The following CACNA2D3 variants were observed in gnomAD, a reference collection of about 807,000 sequenced individuals.
CACNA2D3 encodes the protein voltage-dependent calcium channel subunit alpha-2/delta-3.
A neutral mutation model predicts 160.6 loss-of-function variants in CACNA2D3; 60 were observed. The observed-to-expected ratio is 0.37, with a 90% confidence interval of 0.30 to 0.46. The LOEUF is 0.46. Ranked by LOEUF, CACNA2D3 falls within the 20% of genes least tolerant of loss-of-function variation. The probability of loss-of-function intolerance (pLI) is 1.00; values close to 1 mark genes in which losing one functional copy is unlikely to be tolerated. For missense variants in CACNA2D3, 1,205 were observed against 1,365.0 expected (o/e 0.88, Z 1.85); for synonymous variants, 558 against 492.9 (o/e 1.13, Z -1.75).
At chr3:54,253,417 T>G (rs566733787) in intron 2 of CACNA2D3, among the ~76,000 whole-genome samples, 3 of 152,218 alleles carry the variant, frequency 2.0e-5, no homozygotes, top group African/African-American at 7.2e-5. Context: ...GCAGGTCACA[T>G]GGCTGGAGCA....
At chr3:54,388,989 T>C (rs1349782255) in intron 4 of CACNA2D3, among the ~76,000 whole-genome samples, 3 of 150,412 alleles carry the variant, frequency 2.0e-5, no homozygotes, top group Non-Finnish European at 4.4e-5. Context: ...TGATAATAAA[T>C]AAACAGATAG....
At chr3:54,935,986 T>C (rs1701319356) in intron 27 of CACNA2D3, among the ~76,000 whole-genome samples, 1 of 152,312 alleles carries the variant, frequency 6.6e-6, no homozygotes, top group Admixed American at 6.5e-5. Context: ...GCTAAACACA[T>C]GGAATCTGGA....
rs544097348 is a variant in CACNA2D3 at position 54,271,931 on chromosome 3, A to G, written c.205-48511A>G. On this transcript the variant is annotated intron_variant, in intron 2 of 37. Coordinates refer to ENST00000474759, the MANE Select transcript of CACNA2D3 (RefSeq NM_018398.3). Reference sequence around the variant, plus strand: ...TAAAAGTTACTTTGTTGCTTAGGCAAAGTCCCCAGTGGCTTGGGCAATTCT... The same window carrying G: ...TAAAAGTTACTTTGTTGCTTAGGCAGAGTCCCCAGTGGCTTGGGCAATTCT... Among the ~76,000 whole-genome samples, 150 of 152,370 alleles carry G rather than the reference A, an allele frequency of 9.8e-4. No homozygotes were observed. In the Middle Eastern group the frequency reaches 0.017, roughly 17 times the overall value.
chr3:54,291,109 G>A (rs115722937), intron 2 of CACNA2D3, among the ~76,000 whole-genome samples: 2,357 of 152,248 alleles, frequency 0.015, 64 homozygotes, highest in African/African-American at 0.053. Context: ...GGAAAACATC[G>A]TGGCAGGTTG....
intron 14 of CACNA2D3, among the ~76,000 whole-genome samples, chr3:54,832,740 TTCTTTC>T (rs1213767055): frequency 6.6e-6 from 1 of 152,250 alleles, no homozygotes; most frequent in East Asian, 1.9e-4. Context: ...ATGTTAGCTT[TTCTTTC>T]TCCCTTAGCA....
Position 55,074,277 on chromosome 3 carries a change from C to G in CACNA2D3, c.*71C>G. The G allele has an allele frequency of 8.0e-7, 1 of 1,253,114 alleles. No homozygotes were observed. 77.6% of individuals were successfully genotyped at this position (1,253,114 alleles called of 1,614,324 possible). A position where few individuals can be genotyped will look rare whatever the true frequency, so the allele number is the denominator to read the frequency against. Reference sequence around the variant, plus strand: ...TGCTAAATCATGGATAAACTGTGAACCAAAATATGGTGCAACATACGAGAC... The same window carrying G: ...TGCTAAATCATGGATAAACTGTGAAGCAAAATATGGTGCAACATACGAGAC... On this transcript the variant is annotated 3_prime_UTR_variant, in exon 38 of 38. Transcript: ENST00000474759.
At chr3:54,836,814 A>G (rs747162730) in intron 14 of CACNA2D3, among the ~76,000 whole-genome samples, 10 of 152,216 alleles carry the variant, frequency 6.6e-5, no homozygotes, top group African/African-American at 1.7e-4. Flanking sequence ...CTTAAGAAAC[A>G]TAAGTGTCTG....
chr3:54,349,506 C>G (rs373000565), intron 3 of CACNA2D3, among the ~76,000 whole-genome samples: 5 of 152,328 alleles, frequency 3.3e-5, no homozygotes, highest in South Asian at 2.1e-4. Flanking sequence ...CTGAGCCAAG[C>G]TGTTTGCTTC....
At chr3:54,298,182 A>G (rs940242760) in intron 2 of CACNA2D3, among the ~76,000 whole-genome samples, 1 of 152,148 alleles carries the variant, frequency 6.6e-6, no homozygotes, top group Non-Finnish European at 1.5e-5. Flanking sequence ...GATGAGTGGG[A>G]GTTGGCTAGG....
intron 13 of CACNA2D3, among the ~76,000 whole-genome samples, chr3:54,803,466 G>A (rs1211871435): frequency 6.6e-6 from 1 of 152,152 alleles, no homozygotes; most frequent in African/African-American, 2.4e-5. Context: ...ATCAGTGATG[G>A]AAGATGAAAT....
intron 35 of CACNA2D3, among the ~76,000 whole-genome samples, chr3:55,056,495 A>G (rs358061): frequency 0.44 from 66,559 of 152,038 alleles, 15,263 homozygotes; most frequent in East Asian, 0.59. Context: ...TTAAAGAGAT[A>G]TCTGCACTCC....
chr3:54,181,355 C>CATTTTGCTGTTCGA, intron 2 of CACNA2D3, among the ~76,000 whole-genome samples: 1 of 152,244 alleles, frequency 6.6e-6, no homozygotes, highest in South Asian at 2.1e-4. Context: ...TGAATTGTAC[C>CATTTTGCTGTTCGA]ATTCAGTGAT....
intron 11 of CACNA2D3, among the ~76,000 whole-genome samples, chr3:54,700,912 TC>T (rs1700756730): frequency 6.6e-6 from 1 of 152,140 alleles, no homozygotes; most frequent in African/African-American, 2.4e-5. Context: ...TTCATTAGAC[TC>T]CAGAGCTATA....
At chr3:54,191,918 C>G (rs1034531510) in intron 2 of CACNA2D3, among the ~76,000 whole-genome samples, 2 of 152,162 alleles carry the variant, frequency 1.3e-5, no homozygotes, top group Non-Finnish European at 2.9e-5. Context: ...ACCAAATCCA[C>G]TGTGTCTCCC....
chr3:54,591,238 AC>A (rs1325759542), intron 9 of CACNA2D3, among the ~76,000 whole-genome samples: 182 of 152,290 alleles, frequency 1.2e-3, no homozygotes, highest in African/African-American at 3.9e-3. Context: ...CCAAAACCTT[AC>A]ACTGGATGTT....
rs565703029 is a variant in CACNA2D3, at chr3:54,661,237, A to G, written c.1167+18996A>G. On this transcript the variant is annotated intron_variant, in intron 11 of 37. Coordinates refer to ENST00000474759, the MANE Select transcript of CACNA2D3 (RefSeq NM_018398.3). ...CTAGAGCCTTCTAGGTCAAAGCCTG[A>G]ATTTTTAGCCCTTTCAACCCTTACT... 1.7e-4 allele frequency among the ~76,000 whole-genome samples: 26 copies of G among 152,232 alleles called. 1 individual carries two copies. The highest frequency in any genetic ancestry group is 7.4e-5 in the Non-Finnish European group (5 of 68,004).
intron 17 of CACNA2D3, among the ~76,000 whole-genome samples, chr3:54,859,243 T>C (rs1699233211): frequency 6.6e-6 from 1 of 152,238 alleles, no homozygotes; most frequent in South Asian, 2.1e-4. Flanking sequence ...ATAAAAATGT[T>C]GAGACCATGG....
chr3:55,010,811 GC>G (rs1402803654), intron 34 of CACNA2D3, among the ~76,000 whole-genome samples: 1 of 152,110 alleles, frequency 6.6e-6, no homozygotes, highest in Non-Finnish European at 1.5e-5. Flanking sequence ...TCTTGCTCCT[GC>G]CCCAGTCAGC....
At chr3:54,706,494 C>T (rs1700859544) in intron 11 of CACNA2D3, among the ~76,000 whole-genome samples, 1 of 152,178 alleles carries the variant, frequency 6.6e-6, no homozygotes, top group Non-Finnish European at 1.5e-5. Flanking sequence ...GAATGATTAA[C>T]ATCTGTCTTT....
Sources: allele counts gnomAD v4.1 joint callset (sites outside exome capture counted in the v4.1 genomes callset), GRCh38; gene constraint gnomAD v4.1.1; transcripts MANE v1.5; gene names NCBI Gene and HGNC (gene_info 2026-07-23, HGNC 2026-07-21).